STAG3: variants seen among roughly 807,000 people sequenced by gnomAD.
The protein encoded by STAG3 is cohesin subunit SA-3.
In STAG3, 101 loss-of-function variants were observed where a neutral mutation model predicts 160.7. The observed-to-expected ratio is 0.63, with a 90% CI of 0.54 to 0.74. The LOEUF is 0.74. STAG3 is among the 30% of genes least tolerant of loss of function. The probability of loss-of-function intolerance (pLI) is 0.00; values close to 1 mark genes in which losing one functional copy is unlikely to be tolerated. For missense variants in STAG3, 1,188 were observed against 1,517.4 expected, an observed-to-expected ratio of 0.78 and a Z score of 3.61; for synonymous variants, 519 against 585.0, an observed-to-expected ratio of 0.89 and a Z score of 1.63.
At chr7:100,216,049 T>C (rs1727134), downstream of STAG3, among the ~76,000 whole-genome samples, 113,937 of 152,060 alleles carry the variant, frequency 0.75, 43,859 homozygotes, top group African/African-American at 0.88. Context: ...GGCTGCCAGA[T>C]TCAGTCCAGA....
In STAG3 at chr7:100,198,099, T is replaced by G; in HGVS notation, c.1177T>G (p.Ser393Ala). The change falls in exon 12 of 34, where the codon TCC (serine) becomes GCC (alanine). Residue 393 changes from serine to alanine, a missense_variant. By Grantham distance (99) the Ser-to-Ala change is moderately conservative. Coordinates refer to ENST00000615138, the MANE Select transcript of STAG3 (RefSeq NM_001282717.2). The part of the protein sequence containing the change: ...FTSRFKDRMV[S>A]MVMDREYDVA... ...CTCCTTTCTGCAGGACCGGATGGTT[T>G]CCATGGTCATGGACAGAGAGTATGA... The G allele has an allele frequency of 6.2e-7, 1 of 1,613,982 alleles. No homozygotes were observed. The highest frequency in any genetic ancestry group is 8.5e-7 in the Non-Finnish European group (1 of 1,179,856).
rs1371125242 is a variant in STAG3 at position 100,213,999 on chromosome 7, C to T, written c.3673-8C>T. 1.9e-6 allele frequency: 3 copies of T among 1,614,168 alleles called. No individual in the cohort carries two copies. Reference sequence around the variant, plus strand: ...TCCTGTGTATTCCTTTCATCTTTCTCATTATAGGATTTCTGACAGGACTCT... The same window carrying T: ...TCCTGTGTATTCCTTTCATCTTTCTTATTATAGGATTTCTGACAGGACTCT... On this transcript the variant is annotated splice_region_variant and splice_polypyrimidine_tract_variant and intron_variant, in intron 33 of 33. Coordinates refer to ENST00000615138, the MANE Select transcript of STAG3 (RefSeq NM_001282717.2).
chr7:100,181,170 T>C (rs373091714), intron 2 of STAG3, among the ~76,000 whole-genome samples: 2 of 152,258 alleles, frequency 1.3e-5, no homozygotes, highest in African/African-American at 4.8e-5. Flanking sequence ...TACTTGGGGA[T>C]TTTGTAAATA....
At chr7:100,210,166 C>T (rs1357015018) in intron 29 of STAG3, among the ~76,000 whole-genome samples, 1 of 152,170 alleles carries the variant, frequency 6.6e-6, no homozygotes, top group East Asian at 1.9e-4. Context: ...ACATCTGGGG[C>T]CCCAAGGTTT....
intron 33 of STAG3, 36 bp downstream of exon 33, chr7:100,213,842 G>A (rs780975745): frequency 3.1e-6 from 5 of 1,614,152 alleles, no homozygotes; most frequent in South Asian, 1.1e-5. Flanking sequence ...TGTATCCTTC[G>A]GAAATGCTGG....
At position 100,199,627 on chromosome 7, in the gene STAG3, C is replaced by T. The variant is rs578178474; in HGVS notation, c.1660C>T (p.Arg554Trp). The change falls in exon 16 of 34, where the codon CGG becomes TGG. Residue 554 changes from arginine (R) to tryptophan (W), a missense_variant. Around this residue, in one of 4 missense-constraint regions of STAG3, gnomAD observed 240 missense variants for 358.1 expected, o/e 0.67. Coordinates refer to ENST00000615138, the MANE Select transcript of STAG3 (RefSeq NM_001282717.2). ...TTCAGAGGGGCACCCGCCTGTGGGC[C>T]GGGTCACTGGGAGGAAGGTATGGTG... ...QASEGHPPVG[R>W]VTGRKGLTSK... is the part of the protein sequence containing the mutation. 1.8e-5 allele frequency: 29 copies of T among 1,597,702 alleles called. No homozygotes were observed. The South Asian group carries it at 2.1e-4, about 11-fold the overall frequency.
Position 100,205,302 on chromosome 7 carries a change from C to T in STAG3, c.3156C>T (p.Tyr1052=), listed in dbSNP as rs545551137. ...ATCCCTGGGGCCCAGTCACCACCTA[C>T]TGCCACTCCCTCAGCCCTGTGGAGA... ...PGHPWGPVTT[Y]CHSLSPVENT... The change falls in exon 29 of 34, where the codon TAC becomes TAT. Residue 1052 remains tyrosine, a synonymous_variant. Transcript: ENST00000615138. 5.7e-5 allele frequency: 92 copies of T among 1,614,224 alleles called. No homozygotes were observed. Among genetic ancestry groups the T allele is most frequent in the Admixed American group, 1.5e-4 (9 of 60,024 alleles).
rs1414199357 is a variant in STAG3, at chr7:100,214,316, T to C, written c.*301T>C. The stretch of plus-strand genomic sequence containing the variant: ...GAAATAGCCCATAGTCTCCTGGATT[T>C]TTGGAACATCTTTCTCAGCCTATTT... On this transcript the variant is annotated 3_prime_UTR_variant, in exon 34 of 34. Coordinates refer to ENST00000615138, the MANE Select transcript of STAG3 (RefSeq NM_001282717.2). 1 of 460,902 alleles carries C rather than the reference T, an allele frequency of 2.2e-6. No individual in the cohort carries two copies. The highest frequency in any genetic ancestry group is 2.0e-5 in the African/African-American group (1 of 51,230). The allele number at this position is 460,902 out of a possible 1,614,324, so 28.6% of individuals were successfully genotyped here. A position where few individuals can be genotyped will look rare whatever the true frequency, so the allele number is the denominator to read the frequency against.
intron 3 of STAG3, 140 bp downstream of exon 3, chr7:100,182,332 C>G (rs1185189752): frequency 1.6e-6 from 1 of 610,286 alleles, no homozygotes; most frequent in Non-Finnish European, 2.8e-6. Context: ...GCACTCTAGC[C>G]TGGGCGACAG....
At chr7:100,188,432 C>T (rs746312514) in intron 5 of STAG3, 21 bp from the exon 6 acceptor site, 2 of 1,536,090 alleles carry the variant, frequency 1.3e-6, no homozygotes, top group South Asian at 2.2e-5. Context: ...TTGTAAGCAC[C>T]TCATATCCTT....
chr7:100,215,530 G>A (rs1459279281), downstream of STAG3, among the ~76,000 whole-genome samples: 3 of 152,212 alleles, frequency 2.0e-5, no homozygotes, highest in Non-Finnish European at 4.4e-5. Flanking sequence ...TGAGGGAACA[G>A]AGTGGGAGAA....
intron 29 of STAG3, among the ~76,000 whole-genome samples, chr7:100,206,105 C>T (rs917596033): frequency 6.6e-6 from 1 of 151,770 alleles, no homozygotes; most frequent in Non-Finnish European, 1.5e-5. Context: ...AGCTCTGCCT[C>T]CCAGGTTCAC....
At chr7:100,183,812 T>C (rs1361456168) in intron 4 of STAG3, among the ~76,000 whole-genome samples, 2 of 152,276 alleles carry the variant, frequency 1.3e-5, no homozygotes, top group East Asian at 3.8e-4. Flanking sequence ...GATTTAATTA[T>C]TTGAGTTAAC....
intron 29 of STAG3, among the ~76,000 whole-genome samples, chr7:100,206,906 C>G (rs1801705106): frequency 6.6e-6 from 1 of 152,212 alleles, no homozygotes; most frequent in African/African-American, 2.4e-5. Context: ...ATCTTCCCAG[C>G]CTTAGGTAGT....
At chr7:100,217,467 A>G (rs1727135), downstream of STAG3, among the ~76,000 whole-genome samples, 20 of 152,324 alleles carry the variant, frequency 1.3e-4, no homozygotes, top group East Asian at 1.9e-4. Flanking sequence ...CAGCCCTACT[A>G]GGTCTGTGGG....
rs374255755 is a variant in STAG3 at position 100,201,092 on chromosome 7, G to C, written c.2064G>C (p.Ser688=). Residue 688 remains serine, a splice_region_variant and synonymous_variant, in exon 20 of 34, where the codon TCG becomes TCC. Coordinates refer to ENST00000615138, the MANE Select transcript of STAG3 (RefSeq NM_001282717.2). ...TGTGGATCTTCTTTCCTTCTCAGTC[G>C]TCCTTCCTAGATGAGGATGAGGTAT... ...FQQELEELLQ[S]SFLDEDEVYN... The C allele has an allele frequency of 6.2e-7, 1 of 1,613,986 alleles. No individual in the cohort carries two copies. The highest frequency in any genetic ancestry group is 8.5e-7 in the Non-Finnish European group (1 of 1,180,036).
chr7:100,184,970 G>T (rs549634567), intron 4 of STAG3, among the ~76,000 whole-genome samples: 1 of 152,148 alleles, frequency 6.6e-6, no homozygotes, highest in African/African-American at 2.4e-5. Flanking sequence ...AATTCTTTGG[G>T]GCCTAGGCCA....
Position 100,200,857 on chromosome 7 carries a change from A to G in STAG3, c.1949A>G (p.Tyr650Cys). ...CTTGAGGCTGGGGCGCATGCCCTCT[A>G]CCTGCTCTGTAATCCCGAATTCACT... is the stretch of plus-strand genomic sequence containing the variant. ...AVLEAGAHAL[Y>C]LLCNPEFTFF... The change falls in exon 19 of 34, where the codon TAC (tyrosine) becomes TGC (cysteine). Residue 650 changes from tyrosine (Y) to cysteine (C), a missense_variant. By Grantham distance (194) the Tyr-to-Cys change is radical (BLOSUM62 -2). This residue lies in a region of STAG3 where 647 missense variants were observed against 717.2 expected (regional missense o/e 0.90). Transcript: ENST00000615138. The G allele has an allele frequency of 1.2e-6, 2 of 1,614,116 alleles. No homozygotes were observed. Among genetic ancestry groups the G allele is most frequent in the Non-Finnish European group, 1.7e-6 (2 of 1,180,034 alleles).
intron 32 of STAG3, chr7:100,213,078 T>C (rs1802407383): frequency 6.4e-6 from 1 of 156,776 alleles, no homozygotes; most frequent in South Asian, 2.0e-4. Context: ...AGGGTTGGGT[T>C]CTGGTGAGGG....
Sources: gnomAD v4.1 joint callset for allele counts (sites outside exome capture counted in the v4.1 genomes callset) on GRCh38, gnomAD v4.1.1 for gene constraint, gnomAD v4.1.1 regional missense constraint, MANE v1.5 for transcripts, NCBI Gene and HGNC (gene_info 2026-07-23, HGNC 2026-07-21) for gene names.